Variants in ATP8B4 observed in about 807,000 individuals in gnomAD.
ATP8B4 encodes probable phospholipid-transporting ATPase IM.
ATP8B4 carries 133 observed loss-of-function variants against 145.6 expected under a neutral mutation model. That is an observed-to-expected ratio of 0.91 (90% CI 0.79 to 1.05). ATP8B4 has a LOEUF of 1.05. Ranked by LOEUF, ATP8B4 falls within the 50% of genes least tolerant of loss-of-function variation. The pLI is 0.00. For synonymous variants in ATP8B4, 507 were observed against 492.9 expected (o/e 1.03, Z -0.38); for missense variants, 1,458 against 1,425.2 (o/e 1.02, Z -0.37).
In ATP8B4 at chr15:49,931,209, T is replaced by C; in HGVS notation, c.1552A>G (p.Ile518Val). ...AGTGTTCCCAATTCTTCTATTGTTA[T>C]GGTCTCTGGGGTCCGGGATTTAAAA... ...FIFKSRTPET[I>V]TIEELGTLVT... Residue 518 changes from isoleucine (I) to valine (V), a missense_variant, in exon 16 of 28, where the codon ATA (isoleucine) becomes GTA (valine). Ile to Val is a conservative substitution (Grantham distance 29). Transcript: ENST00000284509. 6.2e-7 allele frequency: 1 copy of C among 1,612,886 alleles called. No individual in the cohort carries two copies. The highest frequency in any genetic ancestry group is 1.7e-5 in the Admixed American group (1 of 59,870).
chr15:50,080,830 T>C (rs973414962), intron 2 of ATP8B4, among the ~76,000 whole-genome samples: 2 of 152,044 alleles, frequency 1.3e-5, no homozygotes, highest in South Asian at 2.1e-4. Flanking sequence ...AGAGTCCTCA[T>C]GGGCCGGGCG....
Position 49,860,064 on chromosome 15 carries a change from C to A in ATP8B4, c.*130G>T, listed in dbSNP as rs1025389926. 8.7e-7 allele frequency: 1 copy of A among 1,148,100 alleles called. No homozygotes were observed. Among genetic ancestry groups the A allele is most frequent in the Non-Finnish European group, 1.2e-6 (1 of 814,294 alleles). 71.1% of individuals were successfully genotyped at this position (1,148,100 alleles called of 1,614,324 possible). On this transcript the variant is annotated 3_prime_UTR_variant, in exon 28 of 28. Coordinates refer to ENST00000284509, the MANE Select transcript of ATP8B4 (RefSeq NM_024837.4). ...TTGATGGGCACTGGCAGTTGTCTGC[C>A]GCAGATTTAAGTTAAGTGAGGCAAT...
intron 1 of ATP8B4, among the ~76,000 whole-genome samples, chr15:50,108,024 G>T (rs903479551): frequency 9.9e-5 from 15 of 151,990 alleles, no homozygotes; most frequent in Admixed American, 6.5e-4. Context: ...GTTTTCTAGG[G>T]GCCAGGTTAC....
intron 1 of ATP8B4, among the ~76,000 whole-genome samples, chr15:50,144,016 A>G (rs1328826298): frequency 6.6e-6 from 1 of 152,208 alleles, no homozygotes; most frequent in South Asian, 2.1e-4. Context: ...TTTGAGACCA[A>G]CTTCCTATCA....
chr15:49,963,622 G>T (rs1011902245), intron 13 of ATP8B4, among the ~76,000 whole-genome samples: 2 of 152,146 alleles, frequency 1.3e-5, no homozygotes, highest in Admixed American at 1.3e-4. Flanking sequence ...CATGGATAGA[G>T]CTGGAATCCA....
At chr15:50,081,115 G>A (rs78637785) in intron 2 of ATP8B4, among the ~76,000 whole-genome samples, 324 of 131,122 alleles carry the variant, frequency 2.5e-3, no homozygotes, top group South Asian at 4.6e-3. Flanking sequence ...TACGTCTCAA[G>A]AAAAAAAAAA....
rs201713754 is a variant in ATP8B4 at position 49,925,373 on chromosome 15, A to AT, written c.1643-1880dup. Reference sequence around the variant, plus strand: ...GTTTCTGCATTCATTCTGTTGTGACATCACATGTCACGTGGCTTCTGCAAA... The same window carrying AT: ...GTTTCTGCATTCATTCTGTTGTGACATTCACATGTCACGTGGCTTCTGCAAA... On this transcript the variant is annotated intron_variant, in intron 16 of 27. Coordinates refer to ENST00000284509, the MANE Select transcript of ATP8B4 (RefSeq NM_024837.4). Among the ~76,000 whole-genome samples the AT allele has an allele frequency of 5.6e-3, 846 of 152,286 alleles. 8 individuals carry two copies. Among genetic ancestry groups the AT allele is most frequent in the African/African-American group, 0.02 (812 of 41,564 alleles).
chr15:50,003,639 A>G (rs981959996), intron 7 of ATP8B4, among the ~76,000 whole-genome samples: 4 of 152,166 alleles, frequency 2.6e-5, no homozygotes, highest in African/African-American at 9.7e-5. Flanking sequence ...ACAGCAATAG[A>G]GCTTAACAGT....
intron 1 of ATP8B4, among the ~76,000 whole-genome samples, chr15:50,172,810 TGAG>T (rs1248735620): frequency 6.7e-6 from 1 of 148,412 alleles, no homozygotes; most frequent in African/African-American, 2.5e-5. Flanking sequence ...GTCTGGGAAA[TGAG>T]GAGTGTCTCT....
At chr15:50,054,810 CAAAAAAAAAAAAA>C (rs2052479564) in intron 3 of ATP8B4, among the ~76,000 whole-genome samples, 1 of 75,182 alleles carries the variant, frequency 1.3e-5, no homozygotes, top group African/African-American at 5.6e-5. Flanking sequence ...AAAAAAAAAA[CAAAAAAAAAAAAA>C]CACCAACCTC....
intron 14 of ATP8B4, among the ~76,000 whole-genome samples, chr15:49,940,664 T>C (rs2042099056): frequency 6.6e-6 from 1 of 152,312 alleles, no homozygotes; most frequent in East Asian, 1.9e-4. Context: ...ATCTGGTTCA[T>C]GTGGCCGAAA....
At position 50,072,921 on chromosome 15, in the gene ATP8B4, C is replaced by CCCCT. The variant is rs1489043308; in HGVS notation, c.87+1205_87+1206insAGGG. Among the ~76,000 whole-genome samples, 24 of 27,296 alleles carry CCCCT rather than the reference C, an allele frequency of 8.8e-4. 3 individuals carry two copies. Among genetic ancestry groups the CCCCT allele is most frequent in the South Asian group, 3.9e-3 (2 of 512 alleles). 17.9% of individuals were successfully genotyped at this position (27,296 alleles called of 152,430 possible). On this transcript the variant is annotated intron_variant, in intron 3 of 27. Coordinates refer to ENST00000284509, the MANE Select transcript of ATP8B4 (RefSeq NM_024837.4). Reference sequence around the variant, plus strand: ...TACAGGCATGAGTCACTGTGCCCGGCCTCTCTCTCTCTCTCTCTCTCTCTC... The same window carrying CCCCT: ...TACAGGCATGAGTCACTGTGCCCGGCCCCTCTCTCTCTCTCTCTCTCTCTCTCTC...
At chr15:49,947,711 A>T (rs145238106) in intron 14 of ATP8B4, among the ~76,000 whole-genome samples, 22 of 152,246 alleles carry the variant, frequency 1.4e-4, no homozygotes, top group African/African-American at 5.1e-4. Flanking sequence ...ACAATTCCTG[A>T]TTTCAAACAT....
At chr15:50,039,739 A>C (rs2051127162) in intron 5 of ATP8B4, among the ~76,000 whole-genome samples, 1 of 152,068 alleles carries the variant, frequency 6.6e-6, no homozygotes, top group Non-Finnish European at 1.5e-5. Flanking sequence ...CTTAAATACA[A>C]AATGTTGTGT....
intron 13 of ATP8B4, among the ~76,000 whole-genome samples, chr15:49,968,769 C>A (rs535074589): frequency 2.0e-5 from 3 of 152,264 alleles, no homozygotes; most frequent in South Asian, 4.2e-4. Flanking sequence ...CTGGACCAAG[C>A]GGACCTAATA....
Position 49,970,672 on chromosome 15 carries a change from A to G in ATP8B4, c.1243+1910T>C, listed in dbSNP as rs533130315. ...CCATGCTCATGGATAGGAAGAATCA[A>G]TATTGTGAAAATGGCCATACTTCCC... On this transcript the variant is annotated intron_variant, in intron 13 of 27. Transcript: ENST00000284509. Among the ~76,000 whole-genome samples, 4 of 152,316 alleles carry G rather than the reference A, an allele frequency of 2.6e-5. No individual in the cohort carries two copies. In the South Asian group the frequency reaches 8.3e-4, roughly 32 times the overall value.
At chr15:50,034,228 GTTTT>G (rs35916300) in intron 6 of ATP8B4, among the ~76,000 whole-genome samples, 1 of 123,708 alleles carries the variant, frequency 8.1e-6, no homozygotes, top group East Asian at 2.3e-4. Flanking sequence ...TCCTTTCCTT[GTTTT>G]TTTTTTTTTT....
Position 49,889,845 on chromosome 15 carries a change from T to G in ATP8B4, c.2697+7447A>C, listed in dbSNP as rs117488130. Among the ~76,000 whole-genome samples the G allele has an allele frequency of 2.4e-3, 359 of 152,330 alleles. 1 individual carries two copies. Among genetic ancestry groups the G allele is most frequent in the Non-Finnish European group, 4.3e-3 (291 of 68,036 alleles). Reference sequence around the variant, plus strand: ...ATTGTGTCTTAAAAAACACAATCTGTTTACATTTGGTCAGATGTTTTCAGC... The same window carrying G: ...ATTGTGTCTTAAAAAACACAATCTGGTTACATTTGGTCAGATGTTTTCAGC... On this transcript the variant is annotated intron_variant, in intron 23 of 27. Coordinates refer to ENST00000284509, the MANE Select transcript of ATP8B4 (RefSeq NM_024837.4).
chr15:50,062,844 A>G (rs2053122726), intron 3 of ATP8B4, among the ~76,000 whole-genome samples: 1 of 152,192 alleles, frequency 6.6e-6, no homozygotes, highest in East Asian at 1.9e-4. Context: ...TCTGCAAAGC[A>G]TTGCAAAGAA....
Sources: allele counts gnomAD v4.1 joint callset (sites outside exome capture counted in the v4.1 genomes callset), GRCh38; gene constraint gnomAD v4.1.1; transcripts MANE v1.5; gene names NCBI Gene and HGNC (gene_info 2026-07-23, HGNC 2026-07-21).